Variants in MED25 observed in about 807,000 individuals in gnomAD.
MED25 encodes the protein mediator of RNA polymerase II transcription subunit 25.
Under a neutral mutation model 89.4 loss-of-function variants are expected in MED25, and 62 were observed. The observed-to-expected ratio is 0.69, with a 90% CI of 0.57 to 0.86. MED25 has a LOEUF of 0.86. Ranked by LOEUF, MED25 falls within the 40% of genes least tolerant of loss-of-function variation. MED25 has a pLI of 0.00. For synonymous variants in MED25, 449 were observed against 427.9 expected (o/e 1.05, Z -0.61); for missense variants, 905 against 1,005.2 (o/e 0.90, Z 1.35).
In MED25 at chr19:49,830,152, A is replaced by T. The variant is rs1237033660; in HGVS notation, c.753A>T (p.Ala251=). 1 of 1,598,638 alleles carries T rather than the reference A, an allele frequency of 6.3e-7. No individual in the cohort carries two copies. Among genetic ancestry groups the T allele is most frequent in the Non-Finnish European group, 8.5e-7 (1 of 1,170,374 alleles). Residue 251 remains alanine (A), a synonymous_variant, in exon 7 of 18, where the codon GCA becomes GCT. Coordinates refer to ENST00000312865, the MANE Select transcript of MED25 (RefSeq NM_030973.4). The surrounding 1 kb of genome is among the most constrained non-coding windows in gnomAD (Gnocchi z 4.6). ...SKQPVPLPPA[A]PSGATLSAAP... ...AGCCAGTCCCCCTGCCTCCCGCCGC[A>T]CCCTCAGGTGCCACTCTCTCAGCAG...
chr19:49,838,089 A>T (rs533895931), downstream of MED25, among the ~76,000 whole-genome samples: 1 of 152,206 alleles, frequency 6.6e-6, no homozygotes, highest in South Asian at 2.1e-4. Context: ...AGTGTTGCTG[A>T]GAGCGCGGTC....
downstream of MED25, chr19:49,839,142 G>T (rs754238365): frequency 7.8e-5 from 20 of 257,728 alleles, no homozygotes; most frequent in Non-Finnish European, 1.1e-4. Context: ...ATTTATTTGT[G>T]GTGTTAAGAA....
rs1050354366 is a variant in MED25 at position 49,818,826 on chromosome 19, C to G, written c.180+210C>G. ...GCGCTGGGGCCCGGATTCCTGGGTC[C>G]GAGGGAGGAGGGAGCTAGGGGCCCA... On this transcript the variant is annotated intron_variant, in intron 2 of 17. Transcript: ENST00000312865. The G allele has an allele frequency of 6.8e-6, 4 of 591,638 alleles. No homozygotes were observed. In the African/African-American group the frequency reaches 8.5e-5, roughly 13 times the overall value. 36.6% of individuals were successfully genotyped at this position (591,638 alleles called of 1,614,324 possible).
Position 49,835,415 on chromosome 19 carries a change from A to G in MED25, c.1675-119A>G. ...GTACGGCATCCCTCCCAGACCACTC[A>G]CCCCCAAAGAGAATGTCCCCATCTC... On this transcript the variant is annotated intron_variant, in intron 14 of 17. Coordinates refer to ENST00000312865, the MANE Select transcript of MED25 (RefSeq NM_030973.4). The surrounding 1 kb of genome is among the most constrained non-coding windows in gnomAD (Gnocchi z 6.2). 1 of 1,101,878 alleles carries G rather than the reference A, an allele frequency of 9.1e-7. No homozygotes were observed. 68.3% of individuals were successfully genotyped at this position (1,101,878 alleles called of 1,614,324 possible).
chr19:49,831,146 A>G lies in MED25; in HGVS notation c.1102-187A>G, dbSNP rs1180100227. Among the ~76,000 whole-genome samples, 3 of 152,132 alleles carry G rather than the reference A, an allele frequency of 2.0e-5. No homozygotes were observed. Among genetic ancestry groups the G allele is most frequent in the African/African-American group, 7.2e-5 (3 of 41,426 alleles). On this transcript the variant is annotated intron_variant, in intron 9 of 17. Coordinates refer to ENST00000312865, the MANE Select transcript of MED25 (RefSeq NM_030973.4). This position sits in a 1 kb window ranked among gnomAD's most constrained non-coding sequence, Gnocchi z 5.0. Reference sequence around the variant, plus strand: ...GGTCTGGGAGTCCAGGGCATCGCACAGCTTACGAGTCCTCGAATCCTGCAA... The same window carrying G: ...GGTCTGGGAGTCCAGGGCATCGCACGGCTTACGAGTCCTCGAATCCTGCAA...
chr19:49,829,151 A>C lies in MED25; in HGVS notation c.525+61A>C. 1 of 1,490,390 alleles carries C rather than the reference A, an allele frequency of 6.7e-7. No individual in the cohort carries two copies. Among genetic ancestry groups the C allele is most frequent in the East Asian group, 2.4e-5 (1 of 42,136 alleles). The allele number at this position is 1,490,390 out of a possible 1,614,324, so 92.3% of individuals were successfully genotyped here. A position where few individuals can be genotyped will look rare whatever the true frequency, so the allele number is the denominator to read the frequency against. ...GGGCCCGGAGTCTTGGGTCTGAGGC[A>C]GGAGGCACTGAGGGCCTGGACTCCT... On this transcript the variant is annotated intron_variant, in intron 5 of 17. Transcript: ENST00000312865. The surrounding 1 kb of genome is among the most constrained non-coding windows in gnomAD (Gnocchi z 4.6).
chr19:49,825,607 G>A (rs565596018), intron 3 of MED25, among the ~76,000 whole-genome samples: 20 of 151,622 alleles, frequency 1.3e-4, no homozygotes, highest in Non-Finnish European at 2.2e-4. Context: ...GTGAGGAGGC[G>A]GATCACCTGA....
chr19:49,839,766 C>T (rs1310495949), downstream of MED25: 3 of 152,210 alleles, frequency 2.0e-5, no homozygotes, highest in Admixed American at 6.5e-5. Flanking sequence ...AGTCGGCTTT[C>T]AGAAATGAAA....
chr19:49,823,663 T>C (rs978711699), intron 3 of MED25, among the ~76,000 whole-genome samples: 1 of 152,138 alleles, frequency 6.6e-6, no homozygotes, highest in Admixed American at 6.6e-5. Context: ...GCAGCAGGTG[T>C]TTGTTGAGTA....
chr19:49,830,626 G>A lies in MED25; in HGVS notation c.907+28G>A, dbSNP rs372642894. On this transcript the variant is annotated intron_variant, in intron 8 of 17. Coordinates refer to ENST00000312865, the MANE Select transcript of MED25 (RefSeq NM_030973.4). The surrounding 1 kb of genome is among the most constrained non-coding windows in gnomAD (Gnocchi z 4.6). ...GAGTCCTGGAGTGAGGATGAAGGGC[G>A]GGCAGGGGCCAGGCAGGCCTCTCTC... 1.4e-4 allele frequency: 221 copies of A among 1,613,422 alleles called. 5 individuals carry two copies. The South Asian group carries it at 1.5e-3, about 11-fold the overall frequency.
chr19:49,831,523 A>G lies in MED25; in HGVS notation c.1230+62A>G. The G allele has an allele frequency of 1.3e-6, 2 of 1,576,286 alleles. No individual in the cohort carries two copies. The highest frequency in any genetic ancestry group is 1.7e-6 in the Non-Finnish European group (2 of 1,157,280). On this transcript the variant is annotated intron_variant, in intron 10 of 17. Coordinates refer to ENST00000312865, the MANE Select transcript of MED25 (RefSeq NM_030973.4). This position sits in a 1 kb window ranked among gnomAD's most constrained non-coding sequence, Gnocchi z 5.0. ...CCTGGGGCCGTGGGGCTGGGCATGTAGGACTCATGGGGCCAGATGCGTGGG... is the reference window on the plus strand; with the variant it reads ...CCTGGGGCCGTGGGGCTGGGCATGTGGGACTCATGGGGCCAGATGCGTGGG...
chr19:49,824,387 A>C (rs2074001763), intron 3 of MED25, among the ~76,000 whole-genome samples: 1 of 152,174 alleles, frequency 6.6e-6, no homozygotes, highest in Non-Finnish European at 1.5e-5. Context: ...AGACTGGCTG[A>C]ATAAATGAAT....
chr19:49,830,555 A>G lies in MED25; in HGVS notation c.864A>G (p.Ala288=). ...LSAAQVAAQN[A]VEAAKNQKAG... ...CAGCTCAGGTGGCCGCGCAGAATGC[A>G]GTGGAGGCTGCCAAGAACCAGAAGG... is the stretch of plus-strand genomic sequence containing the variant. The change falls in exon 8 of 18, where the codon GCA becomes GCG. Residue 288 remains alanine (A), a synonymous_variant. Coordinates refer to ENST00000312865, the MANE Select transcript of MED25 (RefSeq NM_030973.4). This position sits in a 1 kb window ranked among gnomAD's most constrained non-coding sequence, Gnocchi z 4.6. 6.2e-7 allele frequency: 1 copy of G among 1,614,150 alleles called. No individual in the cohort carries two copies. The highest frequency in any genetic ancestry group is 8.5e-7 in the Non-Finnish European group (1 of 1,180,002).
intron 13 of MED25, chr19:49,833,642 C>G (rs2074075457): frequency 6.6e-6 from 1 of 152,246 alleles, no homozygotes; most frequent in African/African-American, 2.4e-5. Flanking sequence ...AAAATGTTCT[C>G]TTATGATTCT....
Position 49,831,275 on chromosome 19 carries a change from C to A in MED25, c.1102-58C>A. The A allele has an allele frequency of 1.9e-6, 3 of 1,570,466 alleles. No individual in the cohort carries two copies. The highest frequency in any genetic ancestry group is 1.2e-5 in the South Asian group (1 of 86,666). On this transcript the variant is annotated intron_variant, in intron 9 of 17. Coordinates refer to ENST00000312865, the MANE Select transcript of MED25 (RefSeq NM_030973.4). This position sits in a 1 kb window ranked among gnomAD's most constrained non-coding sequence, Gnocchi z 5.0. ...TTCCTGGTTTGCCCTCACAGGATGG[C>A]CCCCGGAGGCTCCCGGCCTTCCCCA...
intron 4 of MED25, 118 bp from the exon 5 acceptor site, chr19:49,828,852 G>A: frequency 6.5e-7 from 1 of 1,539,396 alleles, no homozygotes; most frequent in African/African-American, 1.4e-5. Context: ...GTAAAGTAGG[G>A]GCGTTGCTTC....
rs539022862 is a variant in MED25, at chr19:49,828,971, G to A, written c.406G>A (p.Gly136Ser). Residue 136 changes from glycine to serine, a missense_variant and splice_region_variant, in exon 5 of 18, where the codon GGC (glycine) becomes AGC (serine). By Grantham distance (56) the Gly-to-Ser change is moderately conservative (BLOSUM62 0). Transcript: ENST00000312865. ...DDFKKMREQI[G>S]QTHRVCLLIC... ...CATGTCTTCTCTCTTTCCTGGTAGT[G>A]GCCAGACGCACCGGGTCTGCCTCCT... is the stretch of plus-strand genomic sequence containing the variant. 17 of 1,614,010 alleles carry A rather than the reference G, an allele frequency of 1.1e-5. No individual in the cohort carries two copies. In the South Asian group the frequency reaches 1.6e-4, roughly 16 times the overall value.
chr19:49,834,585 C>T lies in MED25; in HGVS notation c.1483-401C>T, dbSNP rs1039947280. The T allele has an allele frequency of 2.3e-5, 7 of 307,906 alleles. No individual in the cohort carries two copies. Among genetic ancestry groups the T allele is most frequent in the Admixed American group, 4.3e-5 (1 of 23,310 alleles). The allele number at this position is 307,906 out of a possible 1,614,324, so 19.1% of individuals were successfully genotyped here. A position where few individuals can be genotyped will look rare whatever the true frequency, so the allele number is the denominator to read the frequency against. ...GAGGATCTCTTGGATACCCGGGGTC[C>T]GACCCACCGTTGATCACAGGCCTGT... is the stretch of plus-strand genomic sequence containing the variant. On this transcript the variant is annotated intron_variant, in intron 13 of 17. Transcript: ENST00000312865. The surrounding 1 kb of genome is among the most constrained non-coding windows in gnomAD (Gnocchi z 4.1).
At position 49,830,841 on chromosome 19, in the gene MED25, C is replaced by T. The variant is rs764267049; in HGVS notation, c.1055C>T (p.Pro352Leu). 1.2e-5 allele frequency: 19 copies of T among 1,612,746 alleles called. No individual in the cohort carries two copies. In the African/African-American group the frequency reaches 2.3e-4, roughly 19 times the overall value. The part of the protein sequence containing the change: ...SQPSLVSTVA[P>L]GSGLAPTAQP... ...CCCAGTCTGGTCTCCACTGTGGCCC[C>T]TGGCTCCGGCCTGGCTCCCACGGCA... Residue 352 changes from proline (P) to leucine (L), a missense_variant, in exon 9 of 18, where the codon CCT (proline) becomes CTT (leucine). Coordinates refer to ENST00000312865, the MANE Select transcript of MED25 (RefSeq NM_030973.4). This position sits in a 1 kb window ranked among gnomAD's most constrained non-coding sequence, Gnocchi z 4.6.
Sources: allele counts gnomAD v4.1 joint callset (sites outside exome capture counted in the v4.1 genomes callset), GRCh38; gene constraint gnomAD v4.1.1; non-coding constraint Gnocchi (gnomAD v3.1); transcripts MANE v1.5; gene names NCBI Gene and HGNC (gene_info 2026-07-23, HGNC 2026-07-21).